Variants in RAB10 observed in about 807,000 individuals in gnomAD.
RAB10 encodes the protein ras-related protein Rab-10.
RAB10 carries 5 observed loss-of-function variants against 25.7 expected under a neutral mutation model. That is an observed-to-expected ratio of 0.19 (90% CI 0.10 to 0.41). The LOEUF (loss-of-function observed/expected upper bound fraction) is 0.41. Ranked by LOEUF, RAB10 falls within the 10% of genes least tolerant of loss-of-function variation. The pLI is 1.00. For missense variants in RAB10, 103 were observed against 245.8 expected (o/e 0.42, Z 3.89); for synonymous variants, 89 against 86.4 (o/e 1.03, Z -0.16).
At chr2:26,120,292 T>TC (rs1443635410) in intron 3 of RAB10, among the ~76,000 whole-genome samples, 5 of 152,192 alleles carry the variant, frequency 3.3e-5, no homozygotes, top group African/African-American at 1.2e-4. Flanking sequence ...AAACCATGCT[T>TC]CTGTACTTCT....
At chr2:26,128,193 TC>T (rs1486826298) in intron 5 of RAB10, among the ~76,000 whole-genome samples, 7 of 152,128 alleles carry the variant, frequency 4.6e-5, no homozygotes, top group Non-Finnish European at 1.0e-4. Context: ...AGGCGTTAGA[TC>T]CTCCTAAGGA....
intron 5 of RAB10, among the ~76,000 whole-genome samples, chr2:26,133,221 C>A (rs781003123): frequency 6.6e-6 from 1 of 151,928 alleles, no homozygotes; most frequent in Non-Finnish European, 1.5e-5. Flanking sequence ...AAGCCCTTAA[C>A]TTTATATTGT....
chr2:26,078,809 C>CT (rs1477047228), intron 1 of RAB10, among the ~76,000 whole-genome samples: 1 of 152,062 alleles, frequency 6.6e-6, no homozygotes. Flanking sequence ...GAGCTGTTGA[C>CT]TTTTTTCTCA....
chr2:26,088,363 G>A (rs1667030394), intron 1 of RAB10, among the ~76,000 whole-genome samples: 1 of 152,158 alleles, frequency 6.6e-6, no homozygotes, highest in African/African-American at 2.4e-5. Context: ...TCTGTAAAAA[G>A]TGAGAATTTC....
chr2:26,105,993 G>A (rs1335617559), intron 2 of RAB10, among the ~76,000 whole-genome samples: 1 of 152,134 alleles, frequency 6.6e-6, no homozygotes, highest in Non-Finnish European at 1.5e-5. Flanking sequence ...GCACAATGAT[G>A]ACATAGTCTA....
Position 26,129,055 on chromosome 2 carries a change from G to C in RAB10, c.519+1104G>C, listed in dbSNP as rs145439572. On this transcript the variant is annotated intron_variant, in intron 5 of 5. Transcript: ENST00000264710. The stretch of plus-strand genomic sequence containing the variant: ...TGGGAGGCTGAGGCGGGTGGATCAC[G>C]AGGTCAGGAGATGAGACCATCCTGG... 2.8e-3 allele frequency among the ~76,000 whole-genome samples: 431 copies of C among 152,070 alleles called. 4 individuals carry two copies. Among genetic ancestry groups the C allele is most frequent in the Non-Finnish European group, 4.9e-3 (334 of 67,962 alleles).
At chr2:26,103,816 A>G (rs946304530) in intron 2 of RAB10, among the ~76,000 whole-genome samples, 6 of 152,174 alleles carry the variant, frequency 3.9e-5, no homozygotes, top group Non-Finnish European at 1.5e-5. Context: ...GACTTTTCAA[A>G]TAGATGGAAT....
Position 26,060,592 on chromosome 2 carries a change from C to G in RAB10, c.127+25857C>G, listed in dbSNP as rs1342191341. On this transcript the variant is annotated intron_variant, in intron 1 of 5. Coordinates refer to ENST00000264710, the MANE Select transcript of RAB10 (RefSeq NM_016131.5). ...CATGAGCCAACGTGCCCGGCCTGTTCTCACAGTAGTTCTCTGAGGAAAATT... is the reference window on the plus strand; with the variant it reads ...CATGAGCCAACGTGCCCGGCCTGTTGTCACAGTAGTTCTCTGAGGAAAATT... Among the ~76,000 whole-genome samples, 3 of 152,100 alleles carry G rather than the reference C, an allele frequency of 2.0e-5. No individual in the cohort carries two copies. In the South Asian group the frequency reaches 6.2e-4, roughly 32 times the overall value.
At chr2:26,075,850 TA>T (rs1369916417) in intron 1 of RAB10, among the ~76,000 whole-genome samples, 1 of 151,952 alleles carries the variant, frequency 6.6e-6, no homozygotes, top group East Asian at 1.9e-4. Flanking sequence ...GGTGGAGGGT[TA>T]GGGGGTGGAA....
At chr2:26,133,151 G>T (rs1387207737) in intron 5 of RAB10, among the ~76,000 whole-genome samples, 1 of 152,038 alleles carries the variant, frequency 6.6e-6, no homozygotes, top group Non-Finnish European at 1.5e-5. Flanking sequence ...CTTGTCTTAG[G>T]CTACTTGAGG....
In RAB10 at chr2:26,071,996, G is replaced by A. The variant is rs373838400; in HGVS notation, c.128-26666G>A. 7.2e-5 allele frequency among the ~76,000 whole-genome samples: 11 copies of A among 152,124 alleles called. No individual in the cohort carries two copies. The East Asian group carries it at 1.7e-3, about 24-fold the overall frequency. On this transcript the variant is annotated intron_variant, in intron 1 of 5. Coordinates refer to ENST00000264710, the MANE Select transcript of RAB10 (RefSeq NM_016131.5). ...TATTATTTTTTTCATATTGTATAAT[G>A]AAATACGCCAACATTTGGAAGAACT...
At chr2:26,071,433 A>G (rs769267377) in intron 1 of RAB10, among the ~76,000 whole-genome samples, 6 of 152,170 alleles carry the variant, frequency 3.9e-5, no homozygotes, top group Non-Finnish European at 8.8e-5. Context: ...CACTCCTGTA[A>G]TCCCAACACT....
intron 1 of RAB10, among the ~76,000 whole-genome samples, chr2:26,086,770 G>A (rs924721323): frequency 2.0e-5 from 3 of 152,192 alleles, no homozygotes; most frequent in Admixed American, 6.5e-5. Flanking sequence ...TATGGTGTAC[G>A]CATACAGTGG....
intron 1 of RAB10, among the ~76,000 whole-genome samples, chr2:26,072,540 CAAA>C (rs1248346022): frequency 6.6e-6 from 1 of 151,554 alleles, no homozygotes; most frequent in South Asian, 2.1e-4. Context: ...GTGACTCATG[CAAA>C]AAAAGAAGAA....
chr2:26,105,824 T>A, intron 2 of RAB10, among the ~76,000 whole-genome samples: 1 of 152,218 alleles, frequency 6.6e-6, no homozygotes, highest in East Asian at 1.9e-4. Context: ...CATATTTAGA[T>A]ACACAAATAC....
rs1182823850 is a variant in RAB10 at position 26,136,026 on chromosome 2, T to C, written c.*1005T>C. The C allele has an allele frequency of 6.5e-6, 1 of 152,730 alleles. No homozygotes were observed. The highest frequency in any genetic ancestry group is 6.5e-5 in the Admixed American group (1 of 15,286). 9.5% of individuals were successfully genotyped at this position (152,730 alleles called of 1,614,324 possible). A position where few individuals can be genotyped will look rare whatever the true frequency, so the allele number is the denominator to read the frequency against. On this transcript the variant is annotated 3_prime_UTR_variant, in exon 6 of 6. Coordinates refer to ENST00000264710, the MANE Select transcript of RAB10 (RefSeq NM_016131.5). ...CAGATGCCTTCATTTGCTGTTTTAC[T>C]TCTATGTTCTGCTTTTCCTCCTCTC... is the stretch of plus-strand genomic sequence containing the variant.
At chr2:26,117,169 C>T (rs193231640) in intron 3 of RAB10, among the ~76,000 whole-genome samples, 9 of 152,016 alleles carry the variant, frequency 5.9e-5, no homozygotes, top group Admixed American at 2.6e-4. Context: ...TAGTGTGTTG[C>T]GAATGTCCAA....
chr2:26,112,642 G>A (rs571852215), intron 3 of RAB10, among the ~76,000 whole-genome samples: 2 of 152,240 alleles, frequency 1.3e-5, no homozygotes, highest in East Asian at 3.9e-4. Context: ...GTACACCTGT[G>A]GTCCCAGTTA....
chr2:26,049,926 C>T (rs1666098195), intron 1 of RAB10, among the ~76,000 whole-genome samples: 1 of 152,108 alleles, frequency 6.6e-6, no homozygotes, highest in Non-Finnish European at 1.5e-5. Flanking sequence ...ATAGCCAAAC[C>T]ACCAGATAAT....
Sources: gnomAD v4.1 joint callset for allele counts (sites outside exome capture counted in the v4.1 genomes callset) on GRCh38, gnomAD v4.1.1 for gene constraint, MANE v1.5 for transcripts, NCBI Gene and HGNC (gene_info 2026-07-23, HGNC 2026-07-21) for gene names.